TRPC3: variants seen among roughly 807,000 people sequenced by gnomAD.
TRPC3 encodes the protein short transient receptor potential channel 3.
In TRPC3, 54 loss-of-function variants were observed where a neutral mutation model predicts 90.9. That is an observed-to-expected ratio of 0.59 (90% CI 0.48 to 0.75). The LOEUF (loss-of-function observed/expected upper bound fraction) is 0.75. Among genes scored for constraint, TRPC3 ranks in the 30% least tolerant of loss-of-function variants. The pLI is 0.00. For synonymous variants in TRPC3, 424 were observed against 450.9 expected (o/e 0.94, Z 0.75); for missense variants, 918 against 1,194.5 (o/e 0.77, Z 3.41).
chr4:121,921,513 C>T (rs1267944198), intron 3 of TRPC3, among the ~76,000 whole-genome samples: 1 of 118,278 alleles, frequency 8.5e-6, no homozygotes, highest in Non-Finnish European at 1.7e-5. Context: ...CAGAGCGAGA[C>T]TCCGTCTCAA....
intron 4 of TRPC3, among the ~76,000 whole-genome samples, chr4:121,914,425 C>T (rs988018806): frequency 6.6e-6 from 1 of 152,240 alleles, no homozygotes; most frequent in Non-Finnish European, 1.5e-5. Context: ...GCTCTCCATT[C>T]CCCGGTCTGT....
At chr4:121,931,049 C>T (rs1729900886) in intron 2 of TRPC3, among the ~76,000 whole-genome samples, 1 of 152,022 alleles carries the variant, frequency 6.6e-6, no homozygotes, top group African/African-American at 2.4e-5. Flanking sequence ...TCCAGATCTC[C>T]ACTGGGACAA....
intron 3 of TRPC3, among the ~76,000 whole-genome samples, chr4:121,921,757 C>G (rs1729520702): frequency 6.6e-6 from 1 of 151,924 alleles, no homozygotes; most frequent in Non-Finnish European, 1.5e-5. Context: ...GTTTGTGCAT[C>G]ATTATAACCC....
chr4:121,927,830 A>C (rs964489955), intron 2 of TRPC3, among the ~76,000 whole-genome samples: 10 of 152,218 alleles, frequency 6.6e-5, no homozygotes, highest in African/African-American at 2.4e-4. Flanking sequence ...GCAACTGATA[A>C]AATTAATAAA....
At chr4:121,881,272 AGAACTTTGTTC>A (rs760889715) in intron 11 of TRPC3, among the ~76,000 whole-genome samples, 15 of 152,188 alleles carry the variant, frequency 9.9e-5, no homozygotes, top group Non-Finnish European at 2.9e-5. Flanking sequence ...TTTCTTAGTA[AGAACTTTGTTC>A]AAAACTCCAA....
At chr4:121,892,183 C>T (rs892985697) in intron 10 of TRPC3, among the ~76,000 whole-genome samples, 1 of 152,158 alleles carries the variant, frequency 6.6e-6, no homozygotes, top group Non-Finnish European at 1.5e-5. Flanking sequence ...TGAAACATAT[C>T]AATCAATTAA....
In TRPC3 at chr4:121,904,379, C is replaced by T. The variant is rs766217353; in HGVS notation, c.2196G>A (p.Val732=). The T allele has an allele frequency of 9.4e-6, 15 of 1,598,958 alleles. No homozygotes were observed. Among genetic ancestry groups the T allele is most frequent in the Admixed American group, 1.8e-5 (1 of 55,028 alleles). ...VLYGIYNVTM[V]VVLLNMLIAM... Reference sequence around the variant, plus strand: ...CAATTAGCATGTTGAGTAAAACGACCACCATAGTTACATTGTATATTCCAT... The same window carrying T: ...CAATTAGCATGTTGAGTAAAACGACTACCATAGTTACATTGTATATTCCAT... Residue 732 remains valine (V), a synonymous_variant, in exon 8 of 12, where the codon GTG becomes GTA. Transcript: ENST00000379645.
chr4:121,930,830 TAAAAAAA>T (rs71599162), intron 2 of TRPC3: 14 of 204,240 alleles, frequency 6.9e-5, no homozygotes, highest in Admixed American at 1.7e-4. Context: ...CTCTGAGATC[TAAAAAAA>T]AAAAAAAAAA....
Position 121,951,596 on chromosome 4 carries a change from C to G in TRPC3, c.85G>C (p.Glu29Gln). The change falls in exon 1 of 12, where the codon GAG becomes CAG. Residue 29 changes from glutamate (E) to glutamine (Q), a missense_variant. Physicochemically the swap from Glu to Gln is conservative, Grantham distance 29. This residue lies in a region of TRPC3 where 609 missense variants were observed against 725.9 expected (regional missense o/e 0.84). Transcript: ENST00000379645. This position sits in a 1 kb window ranked among gnomAD's most constrained non-coding sequence, Gnocchi z 4.4. ...PEEEEDEGED[E>Q]GAEPQRRRRG... is the part of the protein sequence containing the mutation. ...CGGCGGCGCTGCGGCTCCGCGCCCT[C>G]GTCCTCGCCCTCGTCTTCCTCCTCC... 6.9e-7 allele frequency: 1 copy of G among 1,453,580 alleles called. No homozygotes were observed. Among genetic ancestry groups the G allele is most frequent in the African/African-American group, 1.5e-5 (1 of 67,730 alleles). 90.0% of individuals were successfully genotyped at this position (1,453,580 alleles called of 1,614,324 possible). A position where few individuals can be genotyped will look rare whatever the true frequency, so the allele number is the denominator to read the frequency against.
intron 1 of TRPC3, among the ~76,000 whole-genome samples, chr4:121,949,364 G>A (rs1193102071): frequency 6.6e-6 from 1 of 152,126 alleles, no homozygotes; most frequent in African/African-American, 2.4e-5. Context: ...AGCAACAGAA[G>A]TACCCCGAGG....
chr4:121,892,218 T>A (rs546253618), intron 10 of TRPC3, among the ~76,000 whole-genome samples: 2 of 152,220 alleles, frequency 1.3e-5, no homozygotes, highest in Admixed American at 6.5e-5. Flanking sequence ...TGTTTAAAAA[T>A]ATTAAGATAA....
intron 3 of TRPC3, among the ~76,000 whole-genome samples, chr4:121,920,336 A>G (rs747423286): frequency 2.6e-5 from 4 of 152,160 alleles, no homozygotes; most frequent in Admixed American, 1.3e-4. Context: ...AGCCTGGCCA[A>G]CATGGTAAAA....
intron 6 of TRPC3, among the ~76,000 whole-genome samples, chr4:121,909,670 C>T (rs917918519): frequency 1.2e-4 from 19 of 152,134 alleles, no homozygotes; most frequent in Non-Finnish European, 2.5e-4. Context: ...TTCTCCAGAG[C>T]TTACATTCTC....
chr4:121,889,453 G>A (rs1728244180), intron 10 of TRPC3, among the ~76,000 whole-genome samples: 1 of 152,060 alleles, frequency 6.6e-6, no homozygotes, highest in South Asian at 2.1e-4. Context: ...CATACAAATG[G>A]ACAACAGGCA....
At chr4:121,894,680 C>T (rs1022527136) in intron 10 of TRPC3, among the ~76,000 whole-genome samples, 2 of 150,924 alleles carry the variant, frequency 1.3e-5, no homozygotes, top group African/African-American at 4.9e-5. Context: ...CCTCCTACCC[C>T]ATCTTCCCAA....
chr4:121,876,639 T>C lies in TRPC3; in HGVS notation c.*3097A>G, dbSNP rs1727770027. 6.6e-6 allele frequency among the ~76,000 whole-genome samples: 1 copy of C among 152,240 alleles called. No individual in the cohort carries two copies. ...TAAATTGTACCAAATTTGCTTTTAA[T>C]AATCACAACATATCATTTTTGTTTT... On this transcript the variant is annotated 3_prime_UTR_variant, in exon 12 of 12. Coordinates refer to ENST00000379645, the MANE Select transcript of TRPC3 (RefSeq NM_001130698.2).
chr4:121,889,002 A>G (rs1728229441), intron 10 of TRPC3, among the ~76,000 whole-genome samples: 1 of 152,204 alleles, frequency 6.6e-6, no homozygotes, highest in African/African-American at 2.4e-5. Context: ...GGAAGCACTT[A>G]CAGCTACCTG....
In TRPC3 at chr4:121,925,143, G is replaced by A. The variant is rs1403632056; in HGVS notation, c.1051C>T (p.Arg351Ter). The A allele has an allele frequency of 1.5e-5, 25 of 1,613,866 alleles. No individual in the cohort carries two copies. The highest frequency in any genetic ancestry group is 1.9e-5 in the Non-Finnish European group (23 of 1,180,002). Residue 351 changes from arginine to a stop codon, truncating the protein, a stop_gained, in exon 3 of 12, where the codon CGA (arginine) becomes TGA (stop). Transcript: ENST00000379645. LOFTEE classifies it high-confidence loss of function. ...DFVVGVLDLC[R>*]DSEEVEAILN... is the part of the protein sequence containing the mutation. ...ATGGCTTCTACCTCTTCTGAGTCTC[G>A]GCAGAGATCCAGCACACCCACTACA...
chr4:121,929,457 T>A (rs534586987), intron 2 of TRPC3, among the ~76,000 whole-genome samples: 63 of 152,334 alleles, frequency 4.1e-4, no homozygotes, highest in Non-Finnish European at 7.8e-4. Flanking sequence ...GTTTGCGTCC[T>A]CACAGCTTAA....
Sources: gnomAD v4.1 joint callset for allele counts (sites outside exome capture counted in the v4.1 genomes callset) on GRCh38, gnomAD v4.1.1 for gene constraint, gnomAD v4.1.1 regional missense constraint, Gnocchi (gnomAD v3.1) non-coding constraint, MANE v1.5 for transcripts, NCBI Gene and HGNC (gene_info 2026-07-23, HGNC 2026-07-21) for gene names.